The following PTPN3 variants were observed in gnomAD, a reference collection of about 807,000 sequenced individuals.
PTPN3 encodes the protein tyrosine-protein phosphatase non-receptor type 3.
In PTPN3, 96 loss-of-function variants were observed where a neutral mutation model predicts 132.7. The observed-to-expected ratio is 0.72, with a 90% CI of 0.61 to 0.86. PTPN3 has a LOEUF of 0.86. Among genes scored for constraint, PTPN3 ranks in the 40% least tolerant of loss-of-function variants. PTPN3 has a pLI of 0.00. For missense variants in PTPN3, 1,125 were observed against 1,159.6 expected, an observed-to-expected ratio of 0.97 and a Z score of 0.43; for synonymous variants, 398 against 429.0, an observed-to-expected ratio of 0.93 and a Z score of 0.89.
chr9:109,404,950 C>T (rs1177959767), intron 18 of PTPN3, among the ~76,000 whole-genome samples: 1 of 152,162 alleles, frequency 6.6e-6, no homozygotes, highest in African/African-American at 2.4e-5. Flanking sequence ...TATTCTTCTA[C>T]CCATCCCGAC....
In PTPN3 at chr9:109,420,488, T is replaced by G; in HGVS notation, c.1249A>C (p.Lys417Gln). The G allele has an allele frequency of 6.2e-7, 1 of 1,613,740 alleles. No homozygotes were observed. Among genetic ancestry groups the G allele is most frequent in the Non-Finnish European group, 8.5e-7 (1 of 1,179,884 alleles). The stretch of plus-strand genomic sequence containing the variant: ...CTGTCTTGAGGGGCCAGAGAGCCCT[T>G]GTACGTGTAAAATACATCTTCCGTT... ...TETEDVFYTY[K>Q]GSLAPQDSDS... Residue 417 changes from lysine (K) to glutamine (Q), a missense_variant, in exon 14 of 26, where the codon AAG becomes CAG. Lys to Gln is a moderately conservative substitution (Grantham distance 53, BLOSUM62 1). Transcript: ENST00000374541.
intron 1 of PTPN3, among the ~76,000 whole-genome samples, chr9:109,479,693 T>A (rs1192914635): frequency 6.6e-6 from 1 of 152,188 alleles, no homozygotes; most frequent in Non-Finnish European, 1.5e-5. Flanking sequence ...GATCTTCCCA[T>A]CTCAGCTTCC....
intron 1 of PTPN3, among the ~76,000 whole-genome samples, chr9:109,479,806 T>C (rs1846874019): frequency 6.6e-6 from 1 of 152,162 alleles, no homozygotes; most frequent in South Asian, 2.1e-4. Context: ...CTCAAACTCC[T>C]GAGCTCAAGC....
intron 1 of PTPN3, among the ~76,000 whole-genome samples, chr9:109,492,366 G>T (rs544469868): frequency 6.6e-6 from 1 of 152,334 alleles, no homozygotes; most frequent in Non-Finnish European, 1.5e-5. Context: ...AGTCCTGGAT[G>T]CTCCCTCTTG....
At chr9:109,490,049 C>T (rs549552488) in intron 1 of PTPN3, among the ~76,000 whole-genome samples, 3 of 151,678 alleles carry the variant, frequency 2.0e-5, no homozygotes, top group East Asian at 2.0e-4. Context: ...TGGGCGTGGT[C>T]GTGGACACCT....
intron 5 of PTPN3, among the ~76,000 whole-genome samples, chr9:109,452,348 G>A (rs1294984390): frequency 2.7e-5 from 4 of 150,390 alleles, no homozygotes; most frequent in Non-Finnish European, 4.4e-5. Context: ...TTTATAAAAC[G>A]TTTGCTTCAG....
intron 8 of PTPN3, 143 bp from the exon 9 acceptor site, chr9:109,437,113 A>G: frequency 7.3e-7 from 1 of 1,367,054 alleles, no homozygotes; most frequent in Non-Finnish European, 9.7e-7. Flanking sequence ...ATCTAATGCT[A>G]AATTCTACTA....
intron 5 of PTPN3, chr9:109,449,636 T>C (rs1845118209): frequency 1.0e-6 from 1 of 985,334 alleles, no homozygotes; most frequent in Admixed American, 6.1e-5. Context: ...TATTTAGGGA[T>C]GCGGCATACA....
intron 19 of PTPN3, among the ~76,000 whole-genome samples, chr9:109,396,667 C>T (rs939506073): frequency 1.3e-5 from 2 of 152,074 alleles, no homozygotes; most frequent in South Asian, 2.1e-4. Flanking sequence ...ATAAAAAGTT[C>T]GGCTAAGAGG....
the PTPN3 span, among the ~76,000 whole-genome samples, chr9:109,510,091 A>G: frequency 6.6e-6 from 1 of 152,220 alleles, no homozygotes; most frequent in African/African-American, 2.4e-5. Context: ...TGTTGGTCCC[A>G]TTCAGGAGGG....
chr9:109,457,714 C>T (rs954670887), intron 2 of PTPN3, among the ~76,000 whole-genome samples: 3 of 152,138 alleles, frequency 2.0e-5, no homozygotes, highest in African/African-American at 7.2e-5. Flanking sequence ...CAGTGAACTC[C>T]CTGTGGCCTC....
chr9:109,464,148 C>A (rs1307488357), intron 1 of PTPN3, among the ~76,000 whole-genome samples: 1 of 152,214 alleles, frequency 6.6e-6, no homozygotes, highest in Non-Finnish European at 1.5e-5. Flanking sequence ...GGGTGTGGAG[C>A]AACCAGAACT....
At chr9:109,393,186 T>C (rs538640748) in intron 19 of PTPN3, among the ~76,000 whole-genome samples, 156 of 152,276 alleles carry the variant, frequency 1.0e-3, no homozygotes, top group Admixed American at 2.4e-3. Context: ...TTCTCCTACT[T>C]ATTATATAGT....
intron 1 of PTPN3, among the ~76,000 whole-genome samples, chr9:109,495,861 T>C (rs73654252): frequency 0.022 from 3,322 of 152,312 alleles, 114 homozygotes; most frequent in African/African-American, 0.075. Flanking sequence ...CCATGGTAAC[T>C]TGGGCTTTTT....
chr9:109,493,926 A>C (rs1487710167), intron 1 of PTPN3, among the ~76,000 whole-genome samples: 1 of 152,226 alleles, frequency 6.6e-6, no homozygotes, highest in African/African-American at 2.4e-5. Flanking sequence ...TAAATGAATT[A>C]AGTTACTATT....
intron 1 of PTPN3, among the ~76,000 whole-genome samples, chr9:109,464,576 G>T (rs1460864519): frequency 3.3e-5 from 5 of 152,086 alleles, no homozygotes. Context: ...TTTTTTTAAA[G>T]TCACGACAAT....
the PTPN3 span, among the ~76,000 whole-genome samples, chr9:109,538,102 G>A: frequency 1.3e-5 from 2 of 152,208 alleles, no homozygotes; most frequent in Admixed American, 6.5e-5. Context: ...AACATAGAAA[G>A]GAATTACAGT....
intron 5 of PTPN3, chr9:109,449,216 G>A: frequency 1.9e-6 from 2 of 1,058,358 alleles, no homozygotes; most frequent in Non-Finnish European, 2.3e-6. Flanking sequence ...ACCCACAGGG[G>A]CTCTGCACAA....
the PTPN3 span, among the ~76,000 whole-genome samples, chr9:109,527,725 A>G: frequency 6.6e-6 from 1 of 152,190 alleles, no homozygotes; most frequent in South Asian, 2.1e-4. Context: ...TATCATATGT[A>G]CCCTTAAAAC....
Sources: gnomAD v4.1 joint callset for allele counts (sites outside exome capture counted in the v4.1 genomes callset) on GRCh38, gnomAD v4.1.1 for gene constraint, MANE v1.5 for transcripts, NCBI Gene and HGNC (gene_info 2026-07-23, HGNC 2026-07-21) for gene names.